BTBD8: variants seen among roughly 807,000 people sequenced by gnomAD.
The protein encoded by BTBD8 is BTB/POZ domain-containing protein 8.
In BTBD8, 110 loss-of-function variants were observed where a neutral mutation model predicts 162.9. The ratio of observed to expected loss-of-function variants is 0.68; its 90% confidence interval spans 0.58 to 0.79. The LOEUF (loss-of-function observed/expected upper bound fraction) is 0.79, where lower values mean the gene tolerates loss of function less well. BTBD8 is among the 30% of genes least tolerant of loss of function. BTBD8 has a pLI of 0.00. For synonymous variants in BTBD8, 667 were observed against 716.1 expected, an observed-to-expected ratio of 0.93 and a Z score of 1.10; for missense variants, 1,905 against 2,085.4, an observed-to-expected ratio of 0.91 and a Z score of 1.68.
In BTBD8 at chr1:92,171,414, G is replaced by T; in HGVS notation, c.1589G>T (p.Gly530Val). 2.0e-6 allele frequency: 3 copies of T among 1,538,362 alleles called. No individual in the cohort carries two copies. Among genetic ancestry groups the T allele is most frequent in the African/African-American group, 2.7e-5 (2 of 72,802 alleles). ...QKIQAAAFDK[G>V]DDRRLGKKPI... ...CTTTCTACAGCTGCATTTGACAAAG[G>T]TGATGATCGAAGACTTGGCAAAAAG... The change falls in exon 13 of 18, where the codon GGT (glycine) becomes GTT (valine). Residue 530 changes from glycine (G) to valine (V), a missense_variant. This residue lies in a region of BTBD8 where 1,374 missense variants were observed against 1,442.7 expected (regional missense o/e 0.95). Coordinates refer to ENST00000636805, the MANE Select transcript of BTBD8 (RefSeq NM_001376131.1).
In BTBD8 at chr1:92,148,475, T is replaced by G. The variant is rs577745403; in HGVS notation, c.1122+689T>G. ...CTTGATAGTATTGAGGAAAGGCCTT[T>G]GAAGACTCAGTTACAGTGCCAACTA... is the stretch of plus-strand genomic sequence containing the variant. On this transcript the variant is annotated intron_variant, in intron 9 of 17. Transcript: ENST00000636805. Among the ~76,000 whole-genome samples, 3 of 152,350 alleles carry G rather than the reference T, an allele frequency of 2.0e-5. No individual in the cohort carries two copies. The East Asian group carries it at 5.8e-4, about 29-fold the overall frequency.
At chr1:92,109,721 A>G (rs4623754) in intron 4 of BTBD8, among the ~76,000 whole-genome samples, 90,900 of 151,994 alleles carry the variant, frequency 0.6, 27,939 homozygotes, top group East Asian at 0.97. Flanking sequence ...TAATTTTATT[A>G]TGTAGTTTAA....
Position 92,147,248 on chromosome 1 carries a change from TC to T in BTBD8, c.1000del (p.Leu334PhefsTer6). ...TTGCTCATTCAGTTGGAGTGGAAAG[TC>T]TTTTTGCTGACTGCATGAAGTAAGT... is the stretch of plus-strand genomic sequence containing the variant. ...IIAHSVGVES[L>X]FADCMKWIVK... On this transcript the variant is annotated frameshift_variant, in exon 8 of 18. Transcript: ENST00000636805. LOFTEE classifies it high-confidence loss of function. The T allele has an allele frequency of 6.2e-7, 1 of 1,611,244 alleles. No homozygotes were observed. The highest frequency in any genetic ancestry group is 8.5e-7 in the Non-Finnish European group (1 of 1,178,142).
intron 17 of BTBD8, among the ~76,000 whole-genome samples, chr1:92,182,847 T>TA (rs1353441515): frequency 6.6e-6 from 1 of 152,076 alleles, no homozygotes; most frequent in Non-Finnish European, 1.5e-5. Context: ...TAAGAGATTT[T>TA]AAATGAAAGA....
intron 4 of BTBD8, among the ~76,000 whole-genome samples, chr1:92,123,389 C>A (rs1649267755): frequency 6.6e-6 from 1 of 152,098 alleles, no homozygotes. Flanking sequence ...ACTAAAAATG[C>A]TTGATTGGGA....
At chr1:92,144,988 CTCAT>C (rs199603262) in intron 7 of BTBD8, among the ~76,000 whole-genome samples, 215 of 151,300 alleles carry the variant, frequency 1.4e-3, no homozygotes, top group Non-Finnish European at 2.5e-3. Context: ...ATGAGTCTCA[CTCAT>C]TCAGTCACCC....
At chr1:92,148,223 G>GA (rs1435176073) in intron 9 of BTBD8, among the ~76,000 whole-genome samples, 1 of 152,066 alleles carries the variant, frequency 6.6e-6, no homozygotes, top group African/African-American at 2.4e-5. Flanking sequence ...TGTTCTCACT[G>GA]AAAAAAACAT....
intron 2 of BTBD8, among the ~76,000 whole-genome samples, chr1:92,093,187 ATTT>A (rs5776134): frequency 1.7e-5 from 2 of 119,838 alleles, no homozygotes; most frequent in Non-Finnish European, 1.7e-5. Flanking sequence ...TGAAATACCA[ATTT>A]TTTTTTTTTT....
rs143295101 is a variant in BTBD8, at chr1:92,134,813, A to G, written c.753-4537A>G. On this transcript the variant is annotated intron_variant, in intron 5 of 17. Coordinates refer to ENST00000636805, the MANE Select transcript of BTBD8 (RefSeq NM_001376131.1). ...CTCTGTGTCCCCTTAGCCCACACAC[A>G]GGGCTCCACATAGGAGCCTGAAACT... Among the ~76,000 whole-genome samples, 270 of 152,176 alleles carry G rather than the reference A, an allele frequency of 1.8e-3. 3 individuals are homozygous for G. Among genetic ancestry groups the G allele is most frequent in the African/African-American group, 5.9e-3 (243 of 41,538 alleles).
At chr1:92,109,789 C>A (rs190278643) in intron 4 of BTBD8, among the ~76,000 whole-genome samples, 1 of 152,186 alleles carries the variant, frequency 6.6e-6, no homozygotes, top group Non-Finnish European at 1.5e-5. Flanking sequence ...AACATTGGAA[C>A]TTTCTCAATT....
At chr1:92,090,297 C>T (rs1648263455) in intron 2 of BTBD8, among the ~76,000 whole-genome samples, 1 of 152,148 alleles carries the variant, frequency 6.6e-6, no homozygotes, top group South Asian at 2.1e-4. Context: ...ATCCTCGGCA[C>T]ATTTGTTGTT....
chr1:92,144,495 T>G (rs940462649), intron 7 of BTBD8, among the ~76,000 whole-genome samples: 1 of 151,938 alleles, frequency 6.6e-6, no homozygotes, highest in Non-Finnish European at 1.5e-5. Context: ...TACATTTTTT[T>G]TTTTTTGTCA....
At chr1:92,102,998 T>C (rs529254930) in intron 3 of BTBD8, among the ~76,000 whole-genome samples, 1 of 152,334 alleles carries the variant, frequency 6.6e-6, no homozygotes, top group Non-Finnish European at 1.5e-5. Context: ...CCTAGTTTTA[T>C]GCATATTAAA....
At chr1:92,133,076 A>G (rs1649549449) in intron 5 of BTBD8, among the ~76,000 whole-genome samples, 1 of 152,214 alleles carries the variant, frequency 6.6e-6, no homozygotes. Flanking sequence ...TTACTTTAAA[A>G]AATTACATCT....
At chr1:92,112,563 T>G (rs1648927737) in intron 4 of BTBD8, among the ~76,000 whole-genome samples, 1 of 152,210 alleles carries the variant, frequency 6.6e-6, no homozygotes, top group African/African-American at 2.4e-5. Flanking sequence ...AGTAAAATTA[T>G]AGTATACAAA....
intron 2 of BTBD8, among the ~76,000 whole-genome samples, chr1:92,100,488 C>A (rs1229294186): frequency 4.6e-5 from 7 of 152,002 alleles, no homozygotes; most frequent in Non-Finnish European, 1.5e-5. Context: ...CTAATTCAAT[C>A]CCTTTACTTG....
intron 13 of BTBD8, among the ~76,000 whole-genome samples, chr1:92,174,286 G>T (rs1003752385): frequency 4.6e-5 from 7 of 152,088 alleles, no homozygotes; most frequent in Non-Finnish European, 8.8e-5. Flanking sequence ...GACCTTCTGG[G>T]CTCAAGGGAT....
At position 92,184,411 on chromosome 1, in the gene BTBD8, C is replaced by T. The variant is rs1229399590; in HGVS notation, c.*81C>T. 7 of 839,194 alleles carry T rather than the reference C, an allele frequency of 8.3e-6. No individual in the cohort carries two copies. The highest frequency in any genetic ancestry group is 5.4e-5 in the East Asian group (2 of 37,306). The allele number at this position is 839,194 out of a possible 1,614,324, so 52.0% of individuals were successfully genotyped here. A position where few individuals can be genotyped will look rare whatever the true frequency, so the allele number is the denominator to read the frequency against. ...ATATCCAAATGATAATTGCATTAGC[C>T]GGATATAAACTTTCTTTAATATTGA... is the stretch of plus-strand genomic sequence containing the variant. On this transcript the variant is annotated 3_prime_UTR_variant, in exon 18 of 18. Coordinates refer to ENST00000636805, the MANE Select transcript of BTBD8 (RefSeq NM_001376131.1).
chr1:92,081,006 GC>G (rs1407092432), intron 1 of BTBD8, among the ~76,000 whole-genome samples: 2 of 152,190 alleles, frequency 1.3e-5, no homozygotes, highest in African/African-American at 4.8e-5. Context: ...CTCAACACAG[GC>G]ACGCTTAGTT....
Sources: gnomAD v4.1 joint callset for allele counts (sites outside exome capture counted in the v4.1 genomes callset) on GRCh38, gnomAD v4.1.1 for gene constraint, gnomAD v4.1.1 regional missense constraint, MANE v1.5 for transcripts, NCBI Gene and HGNC (gene_info 2026-07-23, HGNC 2026-07-21) for gene names.